CYB561: variants seen among roughly 807,000 people sequenced by gnomAD.
The protein encoded by CYB561 is transmembrane ascorbate-dependent reductase CYB561.
A neutral mutation model predicts 25.3 loss-of-function variants in CYB561; 11 were observed. The ratio of observed to expected loss-of-function variants is 0.44; its 90% CI spans 0.27 to 0.72. The LOEUF (loss-of-function observed/expected upper bound fraction) is 0.72. CYB561 is among the 30% of genes least tolerant of loss of function. The pLI is 0.18. For synonymous variants in CYB561, 165 were observed against 158.8 expected (o/e 1.04, Z -0.29); for missense variants, 295 against 334.9 (o/e 0.88, Z 0.93).
chr17:63,434,340 A>G lies in CYB561; in HGVS notation c.*62T>C, dbSNP rs545063697. 90 of 1,432,610 alleles carry G rather than the reference A, an allele frequency of 6.3e-5. 1 individual carries two copies. The South Asian group carries it at 1.1e-3, about 18-fold the overall frequency. The allele number at this position is 1,432,610 out of a possible 1,614,324, so 88.7% of individuals were successfully genotyped here. On this transcript the variant is annotated 3_prime_UTR_variant, in exon 6 of 6. Transcript: ENST00000360793. The stretch of plus-strand genomic sequence containing the variant: ...CACTCTCCGGAGCCTGCAGTCCTGA[A>G]GACGCCTCAGCAGGGGCAGGCAAGA...
chr17:63,439,821 A>G (rs984815238), intron 1 of CYB561, among the ~76,000 whole-genome samples: 2 of 152,158 alleles, frequency 1.3e-5, no homozygotes, highest in Admixed American at 1.3e-4. Flanking sequence ...ACACTCTTGC[A>G]TTGCACGGCC....
At chr17:63,437,902 T>TCC in intron 1 of CYB561, 1 of 292,158 alleles carries the variant, frequency 3.4e-6, no homozygotes, top group East Asian at 9.5e-5. Flanking sequence ...GATGCGCATG[T>TCC]CCCCCCCACG....
chr17:63,444,665 C>T (rs1175163456), intron 1 of CYB561, among the ~76,000 whole-genome samples: 1 of 152,186 alleles, frequency 6.6e-6, no homozygotes, highest in East Asian at 1.9e-4. Flanking sequence ...TGGAAGAACA[C>T]AGGATGGTCT....
chr17:63,434,973 G>T, intron 5 of CYB561, 113 bp downstream of exon 5: 1 of 1,161,600 alleles, frequency 8.6e-7, no homozygotes, highest in Non-Finnish European at 1.2e-6. Flanking sequence ...ACAGCCACCA[G>T]TTGTGACGCC....
intron 1 of CYB561, chr17:63,437,970 GCC>G: frequency 1.6e-6 from 1 of 643,050 alleles, no homozygotes; most frequent in Non-Finnish European, 2.5e-6. Context: ...TCCCACGGCG[GCC>G]CCGCCACCCT....
intron 3 of CYB561, 62 bp from the exon 4 acceptor site, chr17:63,435,853 AC>A (rs906941073): frequency 3.4e-5 from 54 of 1,586,590 alleles, no homozygotes; most frequent in Non-Finnish European, 4.2e-5. Flanking sequence ...GTGTAAGATG[AC>A]CCAGGGGAAC....
intron 1 of CYB561, chr17:63,438,083 G>T (rs1239731260): frequency 1.3e-6 from 2 of 1,533,882 alleles, no homozygotes; most frequent in Non-Finnish European, 1.7e-6. Flanking sequence ...GGAGTGGCTG[G>T]GGGGAGGGGC....
intron 4 of CYB561, 56 bp from the exon 5 acceptor site, chr17:63,435,299 G>A (rs569278425): frequency 3.0e-5 from 47 of 1,583,720 alleles, no homozygotes; most frequent in South Asian, 5.8e-5. Context: ...CCCAGCAGCC[G>A]AGGTCGGCCA....
chr17:63,442,842 C>G lies in CYB561; in HGVS notation c.-14+3403G>C, dbSNP rs80113421. The G allele has an allele frequency of 5.9e-3, 893 of 152,446 alleles. 6 individuals are homozygous for G. The highest frequency in any genetic ancestry group is 7.7e-3 in the Non-Finnish European group (527 of 68,096). The allele number at this position is 152,446 out of a possible 1,614,324, so 9.4% of individuals were successfully genotyped here. On this transcript the variant is annotated intron_variant, in intron 1 of 5. Transcript: ENST00000360793. ...CATGACCCGCAGATCTTCACTGAGC[C>G]AAGCATCGCTCTCCCTCCCGGTGCC...
chr17:63,435,808 T>G lies in CYB561; in HGVS notation c.302-17A>C, dbSNP rs762435833. 2.5e-6 allele frequency: 4 copies of G among 1,611,834 alleles called. No individual in the cohort carries two copies. The highest frequency in any genetic ancestry group is 1.7e-6 in the Non-Finnish European group (2 of 1,178,076). ...CCACCAAGCCTGGGCCAGAGACAGGTCATATGAGGACAGGGTTGGATGTGG... is the reference window on the plus strand; with the variant it reads ...CCACCAAGCCTGGGCCAGAGACAGGGCATATGAGGACAGGGTTGGATGTGG... On this transcript the variant is annotated splice_polypyrimidine_tract_variant and intron_variant, in intron 3 of 5. Transcript: ENST00000360793.
At position 63,432,842 on chromosome 17, in the gene CYB561, G is replaced by A. The variant is rs2049242636; in HGVS notation, c.*1560C>T. The A allele has an allele frequency of 6.6e-6, 1 of 152,240 alleles. No individual in the cohort carries two copies. Among genetic ancestry groups the A allele is most frequent in the Non-Finnish European group, 1.5e-5 (1 of 68,056 alleles). 9.4% of individuals were successfully genotyped at this position (152,240 alleles called of 1,614,324 possible). On this transcript the variant is annotated 3_prime_UTR_variant, in exon 6 of 6. Transcript: ENST00000360793. ...GGAAATCTGAGCATTAGAGGAGACT[G>A]GCCCCTTTCTCTAAGACGGCCTCAG...
In CYB561 at chr17:63,434,409, GAGCC is replaced by G; in HGVS notation, c.745_748del (p.Gly249ProfsTer21). Reference sequence around the variant, plus strand: ...CAGGGCCGGCCGGGCGCATCACTGGGAGCCGGGGCTATCTCCCTCCGTCAGCGTC... The same window carrying G: ...CAGGGCCGGCCGGGCGCATCACTGGGGGGGCTATCTCCCTCCGTCAGCGTC... On this transcript the variant is annotated frameshift_variant, in exon 6 of 6. Coordinates refer to ENST00000360793, the MANE Select transcript of CYB561 (RefSeq NM_001915.4). LOFTEE classifies it high-confidence loss of function. 6.4e-7 allele frequency: 1 copy of G among 1,565,306 alleles called. No individual in the cohort carries two copies.
chr17:63,437,309 C>T, intron 2 of CYB561, 37 bp downstream of exon 2: 1 of 1,571,562 alleles, frequency 6.4e-7, no homozygotes, highest in Non-Finnish European at 8.7e-7. Flanking sequence ...GGGACCCCCA[C>T]AAGCCCGGGA....
chr17:63,435,045 G>C (rs1318838203), intron 5 of CYB561, 41 bp downstream of exon 5: 16 of 1,591,034 alleles, frequency 1.0e-5, no homozygotes, highest in Non-Finnish European at 1.4e-5. Flanking sequence ...GTCTGTGCAA[G>C]GGTGGCCCAG....
In CYB561 at chr17:63,436,879, T is replaced by C. The variant is rs1568023332; in HGVS notation, c.202+467A>G. Among the ~76,000 whole-genome samples the C allele has an allele frequency of 6.6e-6, 1 of 152,230 alleles. No homozygotes were observed. Among genetic ancestry groups the C allele is most frequent in the Non-Finnish European group, 1.5e-5 (1 of 68,036 alleles). ...GATCCCGCTTCCTGGATCCCTGGCC[T>C]GGAGGCAGGTGGAGGCCAAGCACTG... On this transcript the variant is annotated intron_variant, in intron 2 of 5. Coordinates refer to ENST00000360793, the MANE Select transcript of CYB561 (RefSeq NM_001915.4). The surrounding 1 kb of genome is among the most constrained non-coding windows in gnomAD (Gnocchi z 4.8).
rs780044534 is a variant in CYB561 at position 63,437,389 on chromosome 17, G to A, written c.159C>T (p.His53=). Residue 53 remains histidine, a synonymous_variant, in exon 2 of 6, where the codon CAC becomes CAT. Transcript: ENST00000360793. The part of the protein sequence containing the change: ...AWESDLQFNA[H]PLCMVIGLIF... ...TCAGGCCTATGACCATGCAGAGGGG[G>A]TGCGCGTTGAACTGCAGGTCGCTCT... The A allele has an allele frequency of 6.2e-7, 1 of 1,614,084 alleles. No individual in the cohort carries two copies.
At position 63,435,216 on chromosome 17, in the gene CYB561, AC is replaced by A; in HGVS notation, c.432del (p.Phe145SerfsTer35). 6.2e-7 allele frequency: 1 copy of A among 1,613,832 alleles called. No homozygotes were observed. The highest frequency in any genetic ancestry group is 8.5e-7 in the Non-Finnish European group (1 of 1,179,944). On this transcript the variant is annotated frameshift_variant, in exon 5 of 6. Coordinates refer to ENST00000360793, the MANE Select transcript of CYB561 (RefSeq NM_001915.4). LOFTEE classifies it high-confidence loss of function. ...VQWLVGFSFF[L>X]FPGASFSLRS... ...CGCAGGGAGAATGAAGCTCCGGGGA[AC>A]AGGAAGAAGCTGAAGCCCACCAGCC...
intron 4 of CYB561, 62 bp from the exon 5 acceptor site, chr17:63,435,305 G>T: frequency 6.4e-7 from 1 of 1,569,134 alleles, no homozygotes; most frequent in Non-Finnish European, 8.7e-7. Context: ...AGCCGAGGTC[G>T]GCCAGGCCCA....
At chr17:63,434,742 G>A (rs772594372) in intron 5 of CYB561, 148 bp from the exon 6 acceptor site, 35 of 677,688 alleles carry the variant, frequency 5.2e-5, no homozygotes, top group African/African-American at 1.1e-4. Context: ...CCATCCCCCC[G>A]CCCCCAACCA....
Sources: gnomAD v4.1 joint callset for allele counts (sites outside exome capture counted in the v4.1 genomes callset) on GRCh38, gnomAD v4.1.1 for gene constraint, Gnocchi (gnomAD v3.1) non-coding constraint, MANE v1.5 for transcripts, NCBI Gene and HGNC (gene_info 2026-07-23, HGNC 2026-07-21) for gene names.